Variants in SGK3 observed in about 807,000 individuals in gnomAD.
The protein encoded by SGK3 is serum/glucocorticoid regulated kinase family member 3.
SGK3 carries 47 observed loss-of-function variants against 68.5 expected under a neutral mutation model. The observed-to-expected ratio is 0.69, with a 90% CI of 0.54 to 0.87. The LOEUF (loss-of-function observed/expected upper bound fraction) is 0.87, where lower values mean the gene tolerates loss of function less well. SGK3 is among the 40% of genes least tolerant of loss of function. The pLI, the probability that SGK3 is intolerant of heterozygous loss-of-function variation, is 0.00. For synonymous variants in SGK3, 181 were observed against 189.1 expected (o/e 0.96, Z 0.35); for missense variants, 479 against 575.5 (o/e 0.83, Z 1.72).
chr8:66,771,594 A>T (rs1208713030), intron 1 of SGK3, among the ~76,000 whole-genome samples: 2 of 152,162 alleles, frequency 1.3e-5, no homozygotes, highest in Admixed American at 6.5e-5. Context: ...TTCTAGTCCA[A>T]CTCCAAGAAA....
At chr8:66,767,462 G>C in intron 1 of SGK3, 1 of 1,434,176 alleles carries the variant, frequency 7.0e-7, no homozygotes, top group East Asian at 2.3e-5. Context: ...ATGCTTAAAG[G>C]AGACTGCAAC....
chr8:66,839,551 A>G (rs1207258570), intron 10 of SGK3, among the ~76,000 whole-genome samples: 4 of 77,588 alleles, frequency 5.2e-5, no homozygotes, highest in African/African-American at 2.6e-4. Context: ...ATATATATAT[A>G]TATATATTTT....
intron 3 of SGK3, among the ~76,000 whole-genome samples, chr8:66,800,275 A>G (rs1220336544): frequency 6.9e-6 from 1 of 145,782 alleles, no homozygotes; most frequent in African/African-American, 2.6e-5. Flanking sequence ...CGGGAGGCAG[A>G]GGTTGCAGTG....
chr8:66,738,910 G>A (rs112033517), intron 1 of SGK3, among the ~76,000 whole-genome samples: 8 of 152,096 alleles, frequency 5.3e-5, no homozygotes, highest in African/African-American at 1.4e-4. Context: ...GATTACAGGC[G>A]TGAGTCACTG....
At chr8:66,733,509 A>C (rs948201350) in intron 1 of SGK3, among the ~76,000 whole-genome samples, 2 of 152,208 alleles carry the variant, frequency 1.3e-5, no homozygotes, top group African/African-American at 4.8e-5. Flanking sequence ...AAAATGCTTG[A>C]CATAATGAAG....
intron 1 of SGK3, among the ~76,000 whole-genome samples, chr8:66,724,603 A>G (rs1319010609): frequency 6.6e-6 from 1 of 152,174 alleles, no homozygotes; most frequent in Non-Finnish European, 1.5e-5. Context: ...CTAATAAAAA[A>G]TAAAAATAAA....
chr8:66,816,059 G>A (rs1808562796), intron 5 of SGK3, among the ~76,000 whole-genome samples: 1 of 152,098 alleles, frequency 6.6e-6, no homozygotes, highest in Non-Finnish European at 1.5e-5. Flanking sequence ...GAATGCAGTG[G>A]TGTGATCTCA....
intron 3 of SGK3, among the ~76,000 whole-genome samples, chr8:66,800,367 GT>G (rs1205972537): frequency 7.2e-6 from 1 of 138,464 alleles, no homozygotes; most frequent in Non-Finnish European, 1.6e-5. Context: ...CGGGGGGGGA[GT>G]TTTTTCATTT....
intron 1 of SGK3, among the ~76,000 whole-genome samples, chr8:66,719,792 CT>C (rs1381338851): frequency 6.6e-6 from 1 of 152,022 alleles, no homozygotes; most frequent in Non-Finnish European, 1.5e-5. Context: ...CAAAGTAATA[CT>C]TTTTTGGACA....
At chr8:66,851,004 C>T (rs990268851) in intron 16 of SGK3, 84 bp downstream of exon 16, 69 of 1,387,046 alleles carry the variant, frequency 5.0e-5, no homozygotes, top group Non-Finnish European at 3.3e-5. Context: ...ATCTCAGAAT[C>T]ACCTGAATTA....
At chr8:66,856,673 T>C (rs1258507713) in intron 16 of SGK3, among the ~76,000 whole-genome samples, 1 of 152,196 alleles carries the variant, frequency 6.6e-6, no homozygotes, top group African/African-American at 2.4e-5. Flanking sequence ...TCAGAGAACA[T>C]TGCCATCATT....
chr8:66,856,008 G>T (rs1810492572), intron 16 of SGK3, among the ~76,000 whole-genome samples: 1 of 151,790 alleles, frequency 6.6e-6, no homozygotes, highest in Admixed American at 6.6e-5. Flanking sequence ...CAAAATTAAA[G>T]TTCCAGAACT....
intron 2 of SGK3, among the ~76,000 whole-genome samples, chr8:66,795,992 A>G (rs1431101301): frequency 6.6e-6 from 1 of 152,074 alleles, no homozygotes; most frequent in African/African-American, 2.4e-5. Flanking sequence ...TATTTGTTGA[A>G]TTGTTCATCT....
chr8:66,838,310 C>T (rs569974359), intron 10 of SGK3, among the ~76,000 whole-genome samples: 3 of 152,122 alleles, frequency 2.0e-5, no homozygotes, highest in Admixed American at 6.5e-5. Flanking sequence ...ATGATCCACC[C>T]GCCTCAGCCT....
chr8:66,743,271 C>A (rs1233212444), intron 1 of SGK3, among the ~76,000 whole-genome samples: 1 of 152,128 alleles, frequency 6.6e-6, no homozygotes, highest in Non-Finnish European at 1.5e-5. Context: ...TGTTTCATGG[C>A]ACTTTTGTTG....
chr8:66,789,984 G>A (rs2130560049), intron 1 of SGK3, among the ~76,000 whole-genome samples: 1 of 152,186 alleles, frequency 6.6e-6, no homozygotes, highest in African/African-American at 2.4e-5. Context: ...AGGCTGAGGT[G>A]AGAGGATTGC....
intron 14 of SGK3, among the ~76,000 whole-genome samples, chr8:66,845,423 GT>G (rs1346945173): frequency 6.6e-6 from 1 of 152,004 alleles, no homozygotes; most frequent in Non-Finnish European, 1.5e-5. Flanking sequence ...AACAAAAAAA[GT>G]CATATTTTAA....
chr8:66,796,961 T>C (rs1807724320), intron 2 of SGK3, among the ~76,000 whole-genome samples: 1 of 151,308 alleles, frequency 6.6e-6, no homozygotes, highest in Admixed American at 6.6e-5. Context: ...TTTTTACCAA[T>C]GGAAATATTT....
At chr8:66,857,959 A>T (rs1810591516) in intron 16 of SGK3, among the ~76,000 whole-genome samples, 1 of 152,062 alleles carries the variant, frequency 6.6e-6, no homozygotes, top group African/African-American at 2.4e-5. Flanking sequence ...AGCCCTCCAG[A>T]GCTAAGGGTG....
Sources: allele counts gnomAD v4.1 joint callset (sites outside exome capture counted in the v4.1 genomes callset), GRCh38; gene constraint gnomAD v4.1.1; transcripts MANE v1.5; gene names NCBI Gene and HGNC (gene_info 2026-07-23, HGNC 2026-07-21).